Variants in MIB1 observed in about 807,000 individuals in gnomAD.
The protein encoded by MIB1 is E3 ubiquitin-protein ligase MIB1.
MIB1 carries 278 observed loss-of-function variants against 124.5 expected under a neutral mutation model. That is an observed-to-expected ratio of 2.23 (90% confidence interval 2.02 to 2.47). MIB1 has a LOEUF of 2.47. Among genes scored for constraint, MIB1 ranks in the 30% most tolerant of loss-of-function variants. The probability of loss-of-function intolerance (pLI) is 0.00; values close to 1 mark genes in which losing one functional copy is unlikely to be tolerated. For synonymous variants in MIB1, 446 were observed against 429.4 expected, an observed-to-expected ratio of 1.04 and a Z score of -0.48; for missense variants, 957 against 1,254.4, an observed-to-expected ratio of 0.76 and a Z score of 3.58.
chr18:21,840,034 A>G (rs915711992), intron 13 of MIB1, among the ~76,000 whole-genome samples: 6 of 152,214 alleles, frequency 3.9e-5, no homozygotes, highest in African/African-American at 1.4e-4. Context: ...GGCCTGGGCA[A>G]CAGAGCGAGA....
intron 7 of MIB1, among the ~76,000 whole-genome samples, chr18:21,791,951 A>G (rs1727551027): frequency 6.6e-6 from 1 of 152,234 alleles, no homozygotes; most frequent in Non-Finnish European, 1.5e-5. Context: ...AGAGCAGCTC[A>G]GAAATGTGTG....
Position 21,868,814 on chromosome 18 carries a change from C to T in MIB1, c.*4148C>T, listed in dbSNP as rs1460112809. 6.6e-6 allele frequency: 1 copy of T among 152,262 alleles called. No homozygotes were observed. Among genetic ancestry groups the T allele is most frequent in the Non-Finnish European group, 1.5e-5 (1 of 67,862 alleles). 9.4% of individuals were successfully genotyped at this position (152,262 alleles called of 1,614,324 possible). On this transcript the variant is annotated 3_prime_UTR_variant, in exon 21 of 21. Transcript: ENST00000261537. ...CTTTAAAACATTAAATTTGAGGAAACTTTAATGCTGTCTCGTGTACATTGC... is the reference window on the plus strand; with the variant it reads ...CTTTAAAACATTAAATTTGAGGAAATTTTAATGCTGTCTCGTGTACATTGC...
chr18:21,800,035 T>C, intron 9 of MIB1, 61 bp downstream of exon 9: 2 of 1,341,478 alleles, frequency 1.5e-6, no homozygotes, highest in Non-Finnish European at 2.0e-6. Context: ...ATGAACCTTA[T>C]CCTCAACAAT....
intron 10 of MIB1, among the ~76,000 whole-genome samples, chr18:21,811,641 T>C (rs1033806999): frequency 8.5e-5 from 13 of 152,134 alleles, no homozygotes; most frequent in African/African-American, 3.1e-4. Context: ...CTAAGAAGTA[T>C]AGATAGTAGT....
intron 20 of MIB1, among the ~76,000 whole-genome samples, chr18:21,862,416 T>C: frequency 6.6e-6 from 1 of 152,218 alleles, no homozygotes; most frequent in Middle Eastern, 3.2e-3. Flanking sequence ...TTCTTTTTAA[T>C]TATTTCATTT....
intron 10 of MIB1, among the ~76,000 whole-genome samples, chr18:21,809,222 G>A (rs1382073686): frequency 6.6e-6 from 1 of 151,998 alleles, no homozygotes; most frequent in Admixed American, 6.6e-5. Context: ...TGAAGAAATA[G>A]GAAACCTGAA....
chr18:21,791,385 A>T lies in MIB1; in HGVS notation c.920A>T (p.Asn307Ile). 1 of 1,609,904 alleles carries T rather than the reference A, an allele frequency of 6.2e-7. No homozygotes were observed. Among genetic ancestry groups the T allele is most frequent in the Non-Finnish European group, 8.5e-7 (1 of 1,178,044 alleles). ...CTTTGCTCTTGTAGGTGGACCTTCA[A>T]TCCTGCTGTTCTCACTAAAGCGAAC... ...QYPSGNRWTF[N>I]PAVLTKANIV... Residue 307 changes from asparagine to isoleucine, a missense_variant, in exon 7 of 21, where the codon AAT (asparagine) becomes ATT (isoleucine). Transcript: ENST00000261537.
At chr18:21,713,319 A>G (rs2040673757) in intron 1 of MIB1, among the ~76,000 whole-genome samples, 1 of 140,146 alleles carries the variant, frequency 7.1e-6, no homozygotes, top group African/African-American at 2.8e-5. Flanking sequence ...TTAATAAATT[A>G]AAGAACTCTG....
chr18:21,750,890 T>G (rs940532135), intron 1 of MIB1, among the ~76,000 whole-genome samples: 3 of 152,186 alleles, frequency 2.0e-5, no homozygotes, highest in Non-Finnish European at 2.9e-5. Context: ...AATATATGCT[T>G]CTTTTTATGT....
At chr18:21,756,255 A>G (rs1173221296) in intron 1 of MIB1, among the ~76,000 whole-genome samples, 7 of 152,180 alleles carry the variant, frequency 4.6e-5, no homozygotes, top group Non-Finnish European at 4.4e-5. Flanking sequence ...TGAGAAATAA[A>G]CTAACTTGTC....
At position 21,866,784 on chromosome 18, in the gene MIB1, A is replaced by T. The variant is rs910468107; in HGVS notation, c.*2118A>T. ...TTTTTATTATAGAAATAATGTCATT[A>T]TAATTTTAGTGCTAGTACTTGTGGG... On this transcript the variant is annotated 3_prime_UTR_variant, in exon 21 of 21. Coordinates refer to ENST00000261537, the MANE Select transcript of MIB1 (RefSeq NM_020774.4). 4 of 152,300 alleles carry T rather than the reference A, an allele frequency of 2.6e-5. No homozygotes were observed. Among genetic ancestry groups the T allele is most frequent in the Non-Finnish European group, 5.9e-5 (4 of 68,044 alleles). The allele number at this position is 152,300 out of a possible 1,614,324, so 9.4% of individuals were successfully genotyped here.
rs563686737 is a variant in MIB1 at position 21,804,083 on chromosome 18, A to G, written c.1479+69A>G. On this transcript the variant is annotated intron_variant, in intron 10 of 20. Coordinates refer to ENST00000261537, the MANE Select transcript of MIB1 (RefSeq NM_020774.4). ...AGAAATAATACTTCTATATCATGAG[A>G]TGGATTGTTTTTATTTTTGAAATTT... is the stretch of plus-strand genomic sequence containing the variant. 160 of 1,149,042 alleles carry G rather than the reference A, an allele frequency of 1.4e-4. 2 individuals are homozygous for G. In the South Asian group the frequency reaches 1.9e-3, roughly 14 times the overall value. The allele number at this position is 1,149,042 out of a possible 1,614,324, so 71.2% of individuals were successfully genotyped here.
chr18:21,828,926 T>C, intron 12 of MIB1: 1 of 439,736 alleles, frequency 2.3e-6, no homozygotes, highest in South Asian at 1.7e-5. Context: ...TAGGTTAATT[T>C]ACCATATGAC....
Position 21,740,921 on chromosome 18 carries a change from C to T in MIB1, c.-663C>T, listed in dbSNP as rs1183312091. Among the ~76,000 whole-genome samples the T allele has an allele frequency of 6.6e-6, 1 of 152,244 alleles. No homozygotes were observed. Among genetic ancestry groups the T allele is most frequent in the East Asian group, 1.9e-4 (1 of 5,182 alleles). The stretch of plus-strand genomic sequence containing the variant: ...CCTCCTAGACACTCTGAGAAGGTGC[C>T]GCTCCGGCCTTGGGTACGGCGGTAC... On this transcript the variant is annotated 5_prime_UTR_variant, in exon 1 of 21. Coordinates refer to ENST00000261537, the MANE Select transcript of MIB1 (RefSeq NM_020774.4).
At chr18:21,719,889 G>A (rs1053984323) in intron 1 of MIB1, among the ~76,000 whole-genome samples, 1 of 151,928 alleles carries the variant, frequency 6.6e-6, no homozygotes, top group African/African-American at 2.4e-5. Context: ...ATTGATAAAA[G>A]TTTCAAAGTA....
At chr18:21,813,861 G>A (rs1211591189) in intron 10 of MIB1, among the ~76,000 whole-genome samples, 1 of 152,078 alleles carries the variant, frequency 6.6e-6, no homozygotes, top group East Asian at 1.9e-4. Context: ...TTTGGATGGA[G>A]GAAGTCTTAG....
At chr18:21,840,606 T>C (rs1362293327) in intron 13 of MIB1, among the ~76,000 whole-genome samples, 2 of 147,556 alleles carry the variant, frequency 1.4e-5, no homozygotes, top group Non-Finnish European at 3.0e-5. Flanking sequence ...CTGGGCAACA[T>C]TGTGAGATCT....
chr18:21,821,816 T>C (rs1434606985), intron 12 of MIB1, among the ~76,000 whole-genome samples: 2 of 152,146 alleles, frequency 1.3e-5, no homozygotes, highest in Admixed American at 6.5e-5. Context: ...TTAGCCAGGA[T>C]GGTCTCGATC....
At chr18:21,787,083 G>C (rs1276793954) in intron 6 of MIB1, among the ~76,000 whole-genome samples, 1 of 151,170 alleles carries the variant, frequency 6.6e-6, no homozygotes. Context: ...TACTTGCTTA[G>C]AAGTTCTTTG....
Sources: gnomAD v4.1 joint callset for allele counts (sites outside exome capture counted in the v4.1 genomes callset) on GRCh38, gnomAD v4.1.1 for gene constraint, MANE v1.5 for transcripts, NCBI Gene and HGNC (gene_info 2026-07-23, HGNC 2026-07-21) for gene names.